Variants in KDM3A observed in about 807,000 individuals in gnomAD.
KDM3A encodes lysine-specific demethylase 3A.
Under a neutral mutation model 158.0 loss-of-function variants are expected in KDM3A, and 60 were observed. The observed-to-expected ratio is 0.38, with a 90% CI of 0.31 to 0.47. The LOEUF is 0.47. Ranked by LOEUF, KDM3A falls within the 20% of genes least tolerant of loss-of-function variation. The pLI is 0.99. For missense variants in KDM3A, 1,319 were observed against 1,574.3 expected (o/e 0.84, Z 2.74); for synonymous variants, 608 against 549.3 (o/e 1.11, Z -1.49).
intron 12 of KDM3A, 67 bp from the exon 13 acceptor site, chr2:86,477,810 T>A (rs1673729117): frequency 6.8e-7 from 1 of 1,463,388 alleles, no homozygotes; most frequent in South Asian, 1.3e-5. Context: ...CAATAACCCC[T>A]ACCTTTCGTT....
intron 8 of KDM3A, among the ~76,000 whole-genome samples, chr2:86,460,323 G>A (rs528386895): frequency 2.6e-5 from 4 of 152,092 alleles, no homozygotes; most frequent in Admixed American, 6.5e-5. Flanking sequence ...AATGTCTTTC[G>A]TTCTGGGTGA....
chr2:86,486,542 C>A (rs922981179), intron 21 of KDM3A, among the ~76,000 whole-genome samples: 1 of 152,194 alleles, frequency 6.6e-6, no homozygotes, highest in Non-Finnish European at 1.5e-5. Flanking sequence ...TTGAATATTT[C>A]AGTGAATTTT....
chr2:86,482,739 C>T, intron 18 of KDM3A, 45 bp downstream of exon 18: 1 of 1,591,280 alleles, frequency 6.3e-7, no homozygotes, highest in Non-Finnish European at 8.6e-7. Flanking sequence ...GAACCCCCTT[C>T]TCAGTTCCTT....
At chr2:86,461,771 T>C (rs1433043858) in intron 8 of KDM3A, among the ~76,000 whole-genome samples, 2 of 152,052 alleles carry the variant, frequency 1.3e-5, no homozygotes, top group Non-Finnish European at 2.9e-5. Context: ...AACCAGCCAC[T>C]GAAAACGATG....
intron 10 of KDM3A, 47 bp downstream of exon 10, chr2:86,466,930 G>GAT (rs757536242): frequency 2.2e-6 from 3 of 1,380,952 alleles, no homozygotes; most frequent in East Asian, 4.6e-5. Flanking sequence ...AGAAATGGTA[G>GAT]ATATATATAT....
intron 16 of KDM3A, 69 bp from the exon 17 acceptor site, chr2:86,481,861 A>T: frequency 8.5e-7 from 1 of 1,176,670 alleles, no homozygotes; most frequent in Non-Finnish European, 1.2e-6. Flanking sequence ...TAATTCTGCT[A>T]GTAGAATACT....
chr2:86,437,111 T>C (rs1682505431), upstream of KDM3A, among the ~76,000 whole-genome samples: 1 of 152,176 alleles, frequency 6.6e-6, no homozygotes, highest in Non-Finnish European at 1.5e-5. Context: ...TTCGTGAATG[T>C]TGGTGTAGGA....
intron 7 of KDM3A, 21 bp downstream of exon 7, chr2:86,456,898 CTT>C: frequency 6.3e-7 from 1 of 1,584,294 alleles, no homozygotes; most frequent in African/African-American, 1.3e-5. Context: ...TTATTAAAAT[CTT>C]TCTTCTCCTT....
intron 4 of KDM3A, among the ~76,000 whole-genome samples, chr2:86,451,424 C>T (rs376869309): frequency 1.2e-4 from 19 of 152,174 alleles, no homozygotes; most frequent in African/African-American, 4.1e-4. Context: ...AGTTGGTTAA[C>T]ATATATTTTG....
Position 86,466,579 on chromosome 2 carries a change from T to C in KDM3A, c.1215T>C (p.Ser405=). ...CTGATCAGGAAAACAGATTGGAGTCTGTTCCACAAGCATTGACTGGCCTTC... is the reference window on the plus strand; with the variant it reads ...CTGATCAGGAAAACAGATTGGAGTCCGTTCCACAAGCATTGACTGGCCTTC... ...TNTDQENRLE[S]VPQALTGLPK... is the part of the protein sequence containing the mutation. The change falls in exon 10 of 26, where the codon TCT becomes TCC. Residue 405 remains serine, a synonymous_variant. Transcript: ENST00000312912. 1 of 1,614,004 alleles carries C rather than the reference T, an allele frequency of 6.2e-7. No individual in the cohort carries two copies. Among genetic ancestry groups the C allele is most frequent in the Non-Finnish European group, 8.5e-7 (1 of 1,179,908 alleles).
chr2:86,478,523 G>GATTA, intron 14 of KDM3A, 85 bp from the exon 15 acceptor site: 1 of 1,447,976 alleles, frequency 6.9e-7, no homozygotes, highest in Non-Finnish European at 9.5e-7. Flanking sequence ...TAATCCTGTG[G>GATTA]GGAATGCCAG....
At chr2:86,485,627 G>T in intron 20 of KDM3A, 102 bp from the exon 21 acceptor site, 1 of 1,375,792 alleles carries the variant, frequency 7.3e-7, no homozygotes, top group Non-Finnish European at 1.0e-6. Flanking sequence ...CATGATCACA[G>T]ATGGATTTGT....
At chr2:86,451,587 C>T (rs936545528) in intron 4 of KDM3A, among the ~76,000 whole-genome samples, 5 of 152,038 alleles carry the variant, frequency 3.3e-5, no homozygotes, top group Non-Finnish European at 7.4e-5. Flanking sequence ...AGTAGACTTT[C>T]GGTCTTGCAA....
At chr2:86,448,842 G>A (rs371996903) in intron 2 of KDM3A, among the ~76,000 whole-genome samples, 8 of 152,284 alleles carry the variant, frequency 5.3e-5, no homozygotes, top group African/African-American at 1.9e-4. Context: ...TATCGAGGGA[G>A]TTTATTGTCA....
chr2:86,470,096 G>T, intron 10 of KDM3A, 108 bp from the exon 11 acceptor site: 2 of 817,948 alleles, frequency 2.4e-6, no homozygotes, highest in East Asian at 5.2e-5. Flanking sequence ...GAATTGAGAA[G>T]GGAGTTCTCT....
intron 8 of KDM3A, among the ~76,000 whole-genome samples, chr2:86,460,127 C>G (rs1007680853): frequency 9.9e-5 from 15 of 152,236 alleles, no homozygotes; most frequent in Non-Finnish European, 1.2e-4. Flanking sequence ...TTCTCAGAGA[C>G]TCTCTGTTTA....
In KDM3A at chr2:86,441,646, C is replaced by T. The variant is rs978805141; in HGVS notation, c.-31+202C>T. On this transcript the variant is annotated intron_variant, in intron 1 of 25. Transcript: ENST00000312912. ...CGCCCACCCTCCCCCGTGGGGCCGC[C>T]CGGGGCGGGGACCCAGCCGCCCGGG... Among the ~76,000 whole-genome samples, 32 of 150,950 alleles carry T rather than the reference C, an allele frequency of 2.1e-4. 1 individual carries two copies. The highest frequency in any genetic ancestry group is 4.6e-4 in the Non-Finnish European group (31 of 67,506).
At chr2:86,472,163 C>CT (rs36028213) in intron 11 of KDM3A, among the ~76,000 whole-genome samples, 118,088 of 148,674 alleles carry the variant, frequency 0.79, 47,288 homozygotes, top group East Asian at 0.93. Context: ...ATGATTAGAG[C>CT]TTTTTTTTTT....
At chr2:86,477,376 G>A (rs944139304) in intron 12 of KDM3A, among the ~76,000 whole-genome samples, 1 of 152,224 alleles carries the variant, frequency 6.6e-6, no homozygotes, top group Admixed American at 6.5e-5. Context: ...TTAATGGGCA[G>A]TCTGAGTGGA....
Sources: gnomAD v4.1 joint callset for allele counts (sites outside exome capture counted in the v4.1 genomes callset) on GRCh38, gnomAD v4.1.1 for gene constraint, MANE v1.5 for transcripts, NCBI Gene and HGNC (gene_info 2026-07-23, HGNC 2026-07-21) for gene names.